The following EXTL3 variants were observed in gnomAD, a reference collection of about 807,000 sequenced individuals.
The protein encoded by EXTL3 is exostosin-like 3.
EXTL3 carries 27 observed loss-of-function variants against 69.3 expected under a neutral mutation model. The observed-to-expected ratio is 0.39, with a 90% CI of 0.29 to 0.54. The LOEUF (loss-of-function observed/expected upper bound fraction) is 0.54, where lower values mean the gene tolerates loss of function less well. Ranked by LOEUF, EXTL3 falls within the 20% of genes least tolerant of loss-of-function variation. EXTL3 has a pLI of 0.69. For missense variants in EXTL3, 1,003 were observed against 1,231.8 expected (o/e 0.81, Z 2.78); for synonymous variants, 511 against 499.4 (o/e 1.02, Z -0.31).
intron 1 of EXTL3, among the ~76,000 whole-genome samples, chr8:28,644,761 A>G (rs1375630102): frequency 6.6e-6 from 1 of 152,246 alleles, no homozygotes; most frequent in Non-Finnish European, 1.5e-5. Flanking sequence ...TTCAGTTAAT[A>G]GAACTACCTA....
chr8:28,634,063 T>A (rs1184243052), intron 1 of EXTL3, among the ~76,000 whole-genome samples: 1 of 152,114 alleles, frequency 6.6e-6, no homozygotes, highest in Admixed American at 6.6e-5. Context: ...ATGGGCCGGG[T>A]TGAGGAGAGA....
At chr8:28,723,776 G>T (rs1801349932) in intron 3 of EXTL3, among the ~76,000 whole-genome samples, 1 of 151,694 alleles carries the variant, frequency 6.6e-6, no homozygotes, top group Admixed American at 6.6e-5. Context: ...TTTGTAGCTG[G>T]GACTACAGGC....
At position 28,732,505 on chromosome 8, in the gene EXTL3, C is replaced by T. The variant is rs1378651492; in HGVS notation, c.2276+1155C>T. ...CACCATGGTTAATTTTAGAAATCTT[C>T]ATCACCACTGAAAGAAACCCTGTAC... On this transcript the variant is annotated intron_variant, in intron 4 of 6. Coordinates refer to ENST00000220562, the MANE Select transcript of EXTL3 (RefSeq NM_001440.4). Among the ~76,000 whole-genome samples the T allele has an allele frequency of 3.9e-5, 6 of 152,152 alleles. No individual in the cohort carries two copies. In the East Asian group the frequency reaches 1.2e-3, roughly 29 times the overall value.
intron 6 of EXTL3, among the ~76,000 whole-genome samples, chr8:28,748,909 G>C (rs1377279562): frequency 1.3e-5 from 2 of 152,106 alleles, no homozygotes; most frequent in African/African-American, 2.4e-5. Flanking sequence ...AGGAGTTCCA[G>C]ACCAGCCTGG....
chr8:28,648,092 T>G (rs1806863734), intron 1 of EXTL3, among the ~76,000 whole-genome samples: 1 of 152,166 alleles, frequency 6.6e-6, no homozygotes, highest in South Asian at 2.1e-4. Context: ...GATAATGGAT[T>G]GGTCCAGCAC....
chr8:28,705,345 A>C (rs529333877), intron 1 of EXTL3, among the ~76,000 whole-genome samples: 1 of 152,178 alleles, frequency 6.6e-6, no homozygotes, highest in African/African-American at 2.4e-5. Context: ...TGAATCAGAA[A>C]TATGGTAATG....
chr8:28,627,465 C>A (rs1806510042), intron 1 of EXTL3, among the ~76,000 whole-genome samples: 1 of 149,786 alleles, frequency 6.7e-6, no homozygotes, highest in African/African-American at 2.5e-5. Context: ...TCACTGTATT[C>A]CAGCCTGGGT....
intron 3 of EXTL3, 93 bp downstream of exon 3, chr8:28,718,300 T>C: frequency 7.9e-7 from 1 of 1,273,810 alleles, no homozygotes; most frequent in Non-Finnish European, 1.1e-6. Context: ...CAATCGTAAC[T>C]TCTAGCAGAG....
chr8:28,729,787 C>T (rs1801497922), intron 3 of EXTL3, among the ~76,000 whole-genome samples: 1 of 151,002 alleles, frequency 6.6e-6, no homozygotes, highest in African/African-American at 2.4e-5. Flanking sequence ...ATCTCTTGAG[C>T]TCAGGAGTTC....
intron 4 of EXTL3, among the ~76,000 whole-genome samples, chr8:28,733,842 G>A (rs1454088023): frequency 6.9e-6 from 1 of 145,678 alleles, no homozygotes; most frequent in East Asian, 2.1e-4. Flanking sequence ...TTCTGACACA[G>A]AGTCTCGCTC....
At position 28,717,722 on chromosome 8, in the gene EXTL3, C is replaced by A; in HGVS notation, c.1663C>A (p.His555Asn). 1 of 1,614,258 alleles carries A rather than the reference C, an allele frequency of 6.2e-7. No individual in the cohort carries two copies. Among genetic ancestry groups the A allele is most frequent in the Non-Finnish European group, 8.5e-7 (1 of 1,180,050 alleles). Reference protein sequence around the residue: ...IREEAAAEIPHRSGKAAGTDP... With the variant: ...IREEAAAEIPNRSGKAAGTDP... ...GGAAGAGGCGGCAGCTGAGATCCCC[C>A]ACCGTTCAGGCAAGGCGGCTGGAAC... The change falls in exon 3 of 7, where the codon CAC (histidine) becomes AAC (asparagine). Residue 555 changes from histidine to asparagine, a missense_variant. Coordinates refer to ENST00000220562, the MANE Select transcript of EXTL3 (RefSeq NM_001440.4). The surrounding 1 kb of genome is among the most constrained non-coding windows in gnomAD (Gnocchi z 8.3).
chr8:28,700,157 T>C (rs1427186692), upstream of EXTL3: 2 of 152,276 alleles, frequency 1.3e-5, no homozygotes, highest in East Asian at 1.9e-4. Flanking sequence ...CTTCAACAAA[T>C]TGGTAACAGT....
chr8:28,631,325 G>C (rs1205207897), intron 1 of EXTL3: 1 of 152,152 alleles, frequency 6.6e-6, no homozygotes, highest in Non-Finnish European at 1.5e-5. Context: ...GATGTGTAAA[G>C]TGGTTTACTG....
chr8:28,712,375 C>T (rs995316091), intron 1 of EXTL3, among the ~76,000 whole-genome samples: 6 of 152,080 alleles, frequency 3.9e-5, no homozygotes, highest in Non-Finnish European at 7.3e-5. Context: ...GAGGCGTGGC[C>T]TGACTCATGT....
chr8:28,672,203 G>A (rs1380980905), intron 1 of EXTL3, among the ~76,000 whole-genome samples: 1 of 151,996 alleles, frequency 6.6e-6, no homozygotes, highest in African/African-American at 2.4e-5. Context: ...ATCACGTGAG[G>A]TCAGGAGATC....
intron 1 of EXTL3, among the ~76,000 whole-genome samples, chr8:28,679,308 T>C (rs1460904477): frequency 6.6e-6 from 1 of 152,086 alleles, no homozygotes; most frequent in African/African-American, 2.4e-5. Context: ...TATCTGAGTG[T>C]GGTGGCGCGT....
chr8:28,709,687 T>C (rs1015563414), intron 1 of EXTL3, among the ~76,000 whole-genome samples: 1 of 152,198 alleles, frequency 6.6e-6, no homozygotes, highest in Non-Finnish European at 1.5e-5. Flanking sequence ...TGTTTTAGTT[T>C]TACAAGGAGA....
At chr8:28,650,901 C>G (rs556546956) in intron 1 of EXTL3, among the ~76,000 whole-genome samples, 1 of 152,140 alleles carries the variant, frequency 6.6e-6, no homozygotes, top group East Asian at 1.9e-4. Context: ...TTGTTATTTT[C>G]AGTTCTTTGT....
Position 28,752,860 on chromosome 8 carries a change from T to C in EXTL3, c.*1994T>C, listed in dbSNP as rs1802038283. On this transcript the variant is annotated 3_prime_UTR_variant, in exon 7 of 7. Transcript: ENST00000220562. The stretch of plus-strand genomic sequence containing the variant: ...TGCTATTTCATCTGGTTTCTTTTAA[T>C]GTGAGGAACTCACATACTGACTTCA... 6.5e-6 allele frequency: 1 copy of C among 152,802 alleles called. No individual in the cohort carries two copies. Among genetic ancestry groups the C allele is most frequent in the Non-Finnish European group, 1.5e-5 (1 of 68,150 alleles). 9.5% of individuals were successfully genotyped at this position (152,802 alleles called of 1,614,324 possible).
Sources: allele counts gnomAD v4.1 joint callset (sites outside exome capture counted in the v4.1 genomes callset), GRCh38; gene constraint gnomAD v4.1.1; non-coding constraint Gnocchi (gnomAD v3.1); transcripts MANE v1.5; gene names NCBI Gene and HGNC (gene_info 2026-07-23, HGNC 2026-07-21).